Variants in ZNF148 observed in about 807,000 individuals in gnomAD.
ZNF148 encodes zinc finger protein 148, also known as Beta-Enolase Repressor Factor-1.
In ZNF148, 7 loss-of-function variants were observed where a neutral mutation model predicts 67.7. The ratio of observed to expected loss-of-function variants is 0.10; its 90% CI spans 0.06 to 0.19. The LOEUF (loss-of-function observed/expected upper bound fraction) is 0.19. Among genes scored for constraint, ZNF148 ranks in the 10% least tolerant of loss-of-function variants. The probability of loss-of-function intolerance (pLI) is 1.00; values close to 1 mark genes in which losing one functional copy is unlikely to be tolerated. For missense variants in ZNF148, 583 were observed against 947.1 expected (o/e 0.62, Z 5.05); for synonymous variants, 333 against 330.7 (o/e 1.01, Z -0.08).
chr3:125,346,396 C>A (rs937706782), intron 1 of ZNF148, among the ~76,000 whole-genome samples: 1 of 152,228 alleles, frequency 6.6e-6, no homozygotes, highest in African/African-American at 2.4e-5. Context: ...CCCCTAAGAT[C>A]AGAAAGAAGA....
At chr3:125,254,261 T>C (rs1936972249) in intron 7 of ZNF148, among the ~76,000 whole-genome samples, 1 of 152,166 alleles carries the variant, frequency 6.6e-6, no homozygotes, top group Non-Finnish European at 1.5e-5. Flanking sequence ...TTATATTTGA[T>C]AGTGGGCTGA....
chr3:125,304,182 A>G (rs1420529163), intron 4 of ZNF148, among the ~76,000 whole-genome samples: 1 of 152,094 alleles, frequency 6.6e-6, no homozygotes, highest in Non-Finnish European at 1.5e-5. Context: ...GGGCTTCTAC[A>G]TGGGAGGATG....
intron 3 of ZNF148, among the ~76,000 whole-genome samples, chr3:125,315,869 C>A (rs192369847): frequency 1.2e-4 from 18 of 152,176 alleles, no homozygotes; most frequent in Admixed American, 5.2e-4. Context: ...TACAAACAAC[C>A]CAATTACACT....
Position 125,261,004 on chromosome 3 carries a change from G to C in ZNF148, c.667+16722C>G, listed in dbSNP as rs189388748. Among the ~76,000 whole-genome samples the C allele has an allele frequency of 6.6e-5, 10 of 152,286 alleles. No homozygotes were observed. The East Asian group carries it at 1.9e-3, about 29-fold the overall frequency. On this transcript the variant is annotated intron_variant, in intron 7 of 8. Coordinates refer to ENST00000360647, the MANE Select transcript of ZNF148 (RefSeq NM_021964.3). ...GTCTGATTACTTCAATTTGCTCAGTGATTGATACAGGGTGGGGGAAGTGTT... is the reference window on the plus strand; with the variant it reads ...GTCTGATTACTTCAATTTGCTCAGTCATTGATACAGGGTGGGGGAAGTGTT...
intron 5 of ZNF148, among the ~76,000 whole-genome samples, chr3:125,280,843 G>A (rs893646294): frequency 6.6e-6 from 1 of 150,838 alleles, no homozygotes; most frequent in Admixed American, 6.6e-5. Flanking sequence ...TGGCCAGTGA[G>A]AGGGAAACAA....
intron 7 of ZNF148, among the ~76,000 whole-genome samples, chr3:125,252,201 T>C (rs1225672458): frequency 1.3e-5 from 2 of 152,324 alleles, no homozygotes; most frequent in East Asian, 3.9e-4. Flanking sequence ...ACCTTCTTGA[T>C]GGTGTCTTTA....
intron 7 of ZNF148, among the ~76,000 whole-genome samples, chr3:125,257,908 A>G (rs1937158931): frequency 6.6e-6 from 1 of 151,982 alleles, no homozygotes; most frequent in Admixed American, 6.6e-5. Context: ...CCCTACCTTT[A>G]TAGTGTTCCT....
intron 1 of ZNF148, among the ~76,000 whole-genome samples, chr3:125,339,779 CCTA>C (rs760605828): frequency 2.6e-5 from 4 of 152,064 alleles, no homozygotes; most frequent in Admixed American, 6.5e-5. Flanking sequence ...AACATATACA[CCTA>C]CTATGTACCT....
intron 1 of ZNF148, among the ~76,000 whole-genome samples, chr3:125,367,051 T>C (rs1942725065): frequency 6.6e-6 from 1 of 152,332 alleles, no homozygotes; most frequent in Admixed American, 6.5e-5. Flanking sequence ...ACAATATAAA[T>C]CCCAAAGGTT....
At chr3:125,267,245 C>A (rs1937553219) in intron 7 of ZNF148, among the ~76,000 whole-genome samples, 1 of 150,770 alleles carries the variant, frequency 6.6e-6, no homozygotes. Context: ...CAAAATCTGG[C>A]AAAGACACAA....
chr3:125,308,091 A>C (rs541543874), intron 4 of ZNF148, among the ~76,000 whole-genome samples: 1 of 152,336 alleles, frequency 6.6e-6, no homozygotes, highest in Non-Finnish European at 1.5e-5. Flanking sequence ...AAAAGAAATA[A>C]AAGAGATACA....
intron 7 of ZNF148, among the ~76,000 whole-genome samples, chr3:125,275,686 C>T (rs1938020069): frequency 6.6e-6 from 1 of 152,188 alleles, no homozygotes; most frequent in African/African-American, 2.4e-5. Flanking sequence ...CAAACATTAA[C>T]AACCCATTAT....
intron 1 of ZNF148, among the ~76,000 whole-genome samples, chr3:125,360,474 C>T (rs1027175029): frequency 1.1e-4 from 16 of 151,820 alleles, no homozygotes; most frequent in African/African-American, 3.9e-4. Context: ...TGTGTAGAGA[C>T]AGGGTTTCCC....
At chr3:125,305,754 A>G (rs1045971953) in intron 4 of ZNF148, among the ~76,000 whole-genome samples, 5 of 151,678 alleles carry the variant, frequency 3.3e-5, no homozygotes, top group South Asian at 4.2e-4. Flanking sequence ...TGAAGGCTAC[A>G]TTAAGCCATG....
intron 1 of ZNF148, among the ~76,000 whole-genome samples, chr3:125,349,734 A>G (rs1362737421): frequency 6.6e-6 from 1 of 152,184 alleles, no homozygotes; most frequent in Non-Finnish European, 1.5e-5. Flanking sequence ...CCAGCACTTC[A>G]GGAGGCTGAG....
At chr3:125,361,188 C>T (rs1474559157) in intron 1 of ZNF148, among the ~76,000 whole-genome samples, 3 of 152,048 alleles carry the variant, frequency 2.0e-5, no homozygotes, top group Non-Finnish European at 4.4e-5. Context: ...GGACAATCTG[C>T]TTCTCTCATG....
intron 7 of ZNF148, among the ~76,000 whole-genome samples, chr3:125,245,897 A>G (rs1337258098): frequency 6.6e-6 from 1 of 152,190 alleles, no homozygotes; most frequent in Non-Finnish European, 1.5e-5. Context: ...TGTTCTAAGA[A>G]TAAAAATTAA....
chr3:125,352,662 TAAAA>T (rs34630272), intron 1 of ZNF148, among the ~76,000 whole-genome samples: 2 of 138,032 alleles, frequency 1.4e-5, no homozygotes, highest in African/African-American at 2.7e-5. Flanking sequence ...ACCTCTATCT[TAAAA>T]AAAAAAAAAA....
At chr3:125,341,316 T>TA (rs35673839) in intron 1 of ZNF148, among the ~76,000 whole-genome samples, 13,636 of 134,662 alleles carry the variant, frequency 0.1, 788 homozygotes, top group Middle Eastern at 0.14. Flanking sequence ...CAGAAAAATT[T>TA]AAAAAAAAAA....
Sources: gnomAD v4.1 joint callset for allele counts (sites outside exome capture counted in the v4.1 genomes callset) on GRCh38, gnomAD v4.1.1 for gene constraint, MANE v1.5 for transcripts, NCBI Gene and HGNC (gene_info 2026-07-23, HGNC 2026-07-21) for gene names.